ZMYM2: variants seen among roughly 807,000 people sequenced by gnomAD.
ZMYM2 encodes the protein zinc finger MYM-type protein 2.
Under a neutral mutation model 162.8 loss-of-function variants are expected in ZMYM2, and 56 were observed. That is an observed-to-expected ratio of 0.34 (90% CI 0.28 to 0.43). The LOEUF (loss-of-function observed/expected upper bound fraction) is 0.43. ZMYM2 is among the 20% of genes least tolerant of loss of function. ZMYM2 has a pLI of 1.00. For synonymous variants in ZMYM2, 510 were observed against 541.6 expected, an observed-to-expected ratio of 0.94 and a Z score of 0.81; for missense variants, 1,275 against 1,621.8, an observed-to-expected ratio of 0.79 and a Z score of 3.67.
chr13:19,988,069 T>C (rs1332301620), intron 2 of ZMYM2, among the ~76,000 whole-genome samples: 1 of 152,254 alleles, frequency 6.6e-6, no homozygotes, highest in Non-Finnish European at 1.5e-5. Context: ...TCCTTTACTG[T>C]CTTGGGACCT....
At chr13:19,937,834 TG>T in the ZMYM2 span, among the ~76,000 whole-genome samples, 1 of 132,472 alleles carries the variant, frequency 7.5e-6, no homozygotes, top group African/African-American at 2.8e-5. Flanking sequence ...TTCCCCTTTC[TG>T]TGTCCACGTG....
chr13:19,947,134 T>C, the ZMYM2 span, among the ~76,000 whole-genome samples: 1 of 151,946 alleles, frequency 6.6e-6, no homozygotes, highest in Non-Finnish European at 1.5e-5. Flanking sequence ...CTCCGCCTCC[T>C]GGGTTCACGC....
intron 14 of ZMYM2, among the ~76,000 whole-genome samples, chr13:20,058,374 C>T (rs1478887428): frequency 6.6e-6 from 1 of 152,112 alleles, no homozygotes; most frequent in Admixed American, 6.5e-5. Flanking sequence ...ATAATTGCTA[C>T]CACTTTGCTA....
chr13:20,005,049 T>C (rs752715229), intron 4 of ZMYM2, 25 bp from the exon 5 acceptor site: 16 of 1,570,816 alleles, frequency 1.0e-5, no homozygotes, highest in Non-Finnish European at 1.4e-5. Context: ...AAATGGAATT[T>C]TAATATGTAC....
intron 12 of ZMYM2, among the ~76,000 whole-genome samples, chr13:20,049,955 G>C (rs1255290578): frequency 6.6e-6 from 1 of 151,954 alleles, no homozygotes; most frequent in Non-Finnish European, 1.5e-5. Flanking sequence ...AGAAAGAAAA[G>C]AAACCCTGGA....
the ZMYM2 span, among the ~76,000 whole-genome samples, chr13:19,951,669 A>G: frequency 1.3e-5 from 2 of 151,636 alleles, no homozygotes; most frequent in African/African-American, 2.4e-5. Flanking sequence ...GCCACTGCAC[A>G]CCAGCCTGGG....
intron 21 of ZMYM2, among the ~76,000 whole-genome samples, chr13:20,079,902 CAT>C (rs370217875): frequency 1.3e-3 from 191 of 152,230 alleles, no homozygotes; most frequent in African/African-American, 3.4e-3. Context: ...TTTTATTACA[CAT>C]GTTGCTTTAT....
At chr13:19,922,412 G>A in the ZMYM2 span, among the ~76,000 whole-genome samples, 2 of 152,186 alleles carry the variant, frequency 1.3e-5, no homozygotes, top group African/African-American at 2.4e-5. Flanking sequence ...ATAGCAAGCA[G>A]TTTCAAAAGA....
intron 2 of ZMYM2, among the ~76,000 whole-genome samples, chr13:19,962,753 G>A (rs184539581): frequency 2.0e-5 from 3 of 150,612 alleles, no homozygotes; most frequent in East Asian, 3.9e-4. Context: ...CGAACTCCTG[G>A]CCTCAAGTTA....
intron 23 of ZMYM2, among the ~76,000 whole-genome samples, 186 bp from the exon 24 acceptor site, chr13:20,083,470 A>T (rs945700735): frequency 6.6e-6 from 1 of 152,186 alleles, no homozygotes. Context: ...TTTATAAAAT[A>T]AGACAACCTA....
chr13:19,865,947 T>A, the ZMYM2 span, among the ~76,000 whole-genome samples: 19 of 152,248 alleles, frequency 1.2e-4, no homozygotes, highest in Non-Finnish European at 2.1e-4. Flanking sequence ...TGCCTTTGAA[T>A]CGTACTTTAT....
At chr13:20,006,770 C>G (rs542183340) in intron 6 of ZMYM2, among the ~76,000 whole-genome samples, 184 bp downstream of exon 6, 6 of 152,110 alleles carry the variant, frequency 3.9e-5, no homozygotes, top group African/African-American at 1.4e-4. Context: ...GCTGAACCAT[C>G]GTAAGTCAGG....
At chr13:20,058,524 T>A (rs1955983815) in intron 14 of ZMYM2, 51 bp from the exon 15 acceptor site, 1 of 1,580,230 alleles carries the variant, frequency 6.3e-7, no homozygotes, top group East Asian at 2.2e-5. Context: ...CACTAGGAAG[T>A]ATTGAAAATT....
chr13:20,077,976 C>T (rs1428355648), intron 21 of ZMYM2, among the ~76,000 whole-genome samples: 2 of 151,860 alleles, frequency 1.3e-5, no homozygotes, highest in Non-Finnish European at 2.9e-5. Context: ...CGCCACCACG[C>T]CCGGCTAATT....
At chr13:19,921,959 G>C in the ZMYM2 span, among the ~76,000 whole-genome samples, 3 of 152,012 alleles carry the variant, frequency 2.0e-5, no homozygotes, top group African/African-American at 7.3e-5. Context: ...TGTCGCCCAG[G>C]CTGGAGTGCA....
At chr13:19,928,977 T>C in the ZMYM2 span, among the ~76,000 whole-genome samples, 1 of 152,056 alleles carries the variant, frequency 6.6e-6, no homozygotes, top group East Asian at 1.9e-4. Context: ...AATTTATAGC[T>C]TTGGTTGAGA....
chr13:20,075,617 A>G (rs1289040388), intron 21 of ZMYM2, among the ~76,000 whole-genome samples: 9 of 149,490 alleles, frequency 6.0e-5, no homozygotes, highest in African/African-American at 2.2e-4. Context: ...TGTTTTACAT[A>G]TGTGAACACA....
At chr13:19,948,016 A>AAT in the ZMYM2 span, among the ~76,000 whole-genome samples, 43,518 of 147,750 alleles carry the variant, frequency 0.29, 7,262 homozygotes, top group East Asian at 0.56. Flanking sequence ...AAAAAAAAAA[A>AAT]GTTACATCAA....
In ZMYM2 at chr13:20,062,826, A is replaced by G. The variant is rs1956329379; in HGVS notation, c.2912-20A>G. 4 of 1,542,532 alleles carry G rather than the reference A, an allele frequency of 2.6e-6. No individual in the cohort carries two copies. Among genetic ancestry groups the G allele is most frequent in the Non-Finnish European group, 3.5e-6 (4 of 1,141,474 alleles). On this transcript the variant is annotated intron_variant, in intron 17 of 24. Transcript: ENST00000610343. The stretch of plus-strand genomic sequence containing the variant: ...GGGTTTTCTGTTTTGATTCCTAATG[A>G]TAATATGGATTGATTTCAGGTGTAA...
Sources: allele counts gnomAD v4.1 joint callset (sites outside exome capture counted in the v4.1 genomes callset), GRCh38; gene constraint gnomAD v4.1.1; transcripts MANE v1.5; gene names NCBI Gene and HGNC (gene_info 2026-07-23, HGNC 2026-07-21).